Variants in NCOR2 observed in about 807,000 individuals in gnomAD.
The protein encoded by NCOR2 is nuclear receptor corepressor 2.
A neutral mutation model predicts 262.9 loss-of-function variants in NCOR2; 81 were observed. That is an observed-to-expected ratio of 0.31 (90% CI 0.26 to 0.37). The LOEUF is 0.37. NCOR2 is among the 10% of genes least tolerant of loss of function. The pLI, the probability that NCOR2 is intolerant of heterozygous loss-of-function variation, is 1.00. For missense variants in NCOR2, 3,385 were observed against 3,621.4 expected (o/e 0.93, Z 1.68); for synonymous variants, 1,659 against 1,559.3 (o/e 1.06, Z -1.51).
At chr12:124,434,116 G>A (rs2044193713) in intron 8 of NCOR2, among the ~76,000 whole-genome samples, 1 of 152,004 alleles carries the variant, frequency 6.6e-6, no homozygotes, top group African/African-American at 2.4e-5. Context: ...GGGGGGCTGT[G>A]CTGGTGCTGA....
chr12:124,362,226 C>T (rs1303917736), exon 22 of NCOR2: 5 of 1,310,888 alleles, frequency 3.8e-6, no homozygotes, highest in African/African-American at 3.0e-5. Context: ...TTTGCGGTGG[C>T]GGTGGGGCTG....
Position 124,483,833 on chromosome 12 carries a change from GC to G in NCOR2, c.234-61del. On this transcript the variant is annotated intron_variant, in intron 2 of 46. Transcript: ENST00000405201. This position sits in a 1 kb window ranked among gnomAD's most constrained non-coding sequence, Gnocchi z 6.3. Reference sequence around the variant, plus strand: ...GATTGCGGCTCTGAGAACTCCCGAGGCCCCGACCACCCTCTGCGCCGAGCAT... The same window carrying G: ...GATTGCGGCTCTGAGAACTCCCGAGGCCCGACCACCCTCTGCGCCGAGCAT... 1.4e-6 allele frequency: 2 copies of G among 1,470,968 alleles called. No homozygotes were observed. Among genetic ancestry groups the G allele is most frequent in the East Asian group, 5.0e-5 (2 of 40,056 alleles). 91.1% of individuals were successfully genotyped at this position (1,470,968 alleles called of 1,614,324 possible).
At chr12:124,347,726 C>A in intron 30 of NCOR2, 99 bp downstream of exon 32, 1 of 1,244,004 alleles carries the variant, frequency 8.0e-7, no homozygotes, top group South Asian at 1.4e-5. Flanking sequence ...CATACTTGTC[C>A]TGAGTTCCCA....
At chr12:124,326,712 G>A (rs1229379405) in intron 45 of NCOR2, among the ~76,000 whole-genome samples, 1 of 152,142 alleles carries the variant, frequency 6.6e-6, no homozygotes, top group Non-Finnish European at 1.5e-5. Context: ...GTTTGAGCGT[G>A]GCCCCAGGAC....
intron 18 of NCOR2, 141 bp from the exon 21 acceptor site, chr12:124,374,604 C>T (rs1421276884): frequency 3.7e-6 from 3 of 804,608 alleles, no homozygotes; most frequent in Non-Finnish European, 6.2e-6. Flanking sequence ...CCTGCCCCGA[C>T]TGCCCTTCTC....
In NCOR2 at chr12:124,443,792, C is replaced by T. The variant is rs1383370602; in HGVS notation, c.816-5796G>A. Among the ~76,000 whole-genome samples, 4 of 152,182 alleles carry T rather than the reference C, an allele frequency of 2.6e-5. No homozygotes were observed. The highest frequency in any genetic ancestry group is 2.1e-4 in the South Asian group (1 of 4,830). On this transcript the variant is annotated intron_variant, in intron 7 of 46. Coordinates refer to ENST00000405201, the Ensembl canonical transcript of NCOR2. The surrounding 1 kb of genome is among the most constrained non-coding windows in gnomAD (Gnocchi z 4.4). ...CTGGGATTACAGGTGTGAGCCACCGCACCCGGCTGGTGCTTTCTAAAATCC... is the reference window on the plus strand; with the variant it reads ...CTGGGATTACAGGTGTGAGCCACCGTACCCGGCTGGTGCTTTCTAAAATCC...
rs571606442 is a variant in NCOR2 at position 124,375,881 on chromosome 12, G to A, written c.2168-1418C>T. ...CAACAAGACGCTTTCCACTGCCCCCGGGGAGGGGCCTGCAGTGCCGCTGGG... is the reference window on the plus strand; with the variant it reads ...CAACAAGACGCTTTCCACTGCCCCCAGGGAGGGGCCTGCAGTGCCGCTGGG... On this transcript the variant is annotated intron_variant, in intron 18 of 46. Transcript: ENST00000405201. 1.2e-4 allele frequency among the ~76,000 whole-genome samples: 19 copies of A among 152,304 alleles called. No homozygotes were observed. The South Asian group carries it at 1.7e-3, about 13-fold the overall frequency.
chr12:124,527,660 C>T (rs938832582), intron 1 of NCOR2, among the ~76,000 whole-genome samples: 1 of 152,238 alleles, frequency 6.6e-6, no homozygotes, highest in East Asian at 1.9e-4. Context: ...TCAGATGATC[C>T]GCCTGCCTCG....
At chr12:124,383,414 G>T in intron 17 of NCOR2, 1 of 423,290 alleles carries the variant, frequency 2.4e-6, no homozygotes, top group Admixed American at 4.0e-5. Flanking sequence ...GTTCGTCCAC[G>T]CCAGCGGCTT....
intron 6 of NCOR2, among the ~76,000 whole-genome samples, chr12:124,456,535 G>C (rs949549932): frequency 6.6e-6 from 1 of 152,122 alleles, no homozygotes; most frequent in African/African-American, 2.4e-5. Flanking sequence ...CATCATCATA[G>C]CTAATGCCCA....
At chr12:124,433,986 A>T (rs2044186344) in intron 8 of NCOR2, among the ~76,000 whole-genome samples, 1 of 150,834 alleles carries the variant, frequency 6.6e-6, no homozygotes, top group Admixed American at 6.6e-5. Context: ...TAGGAGCGCA[A>T]ATCCACTAGG....
rs562377321 is a variant in NCOR2 at position 124,491,348 on chromosome 12, T to C, written c.105+3799A>G. Among the ~76,000 whole-genome samples, 10 of 152,366 alleles carry C rather than the reference T, an allele frequency of 6.6e-5. 1 individual carries two copies. Among genetic ancestry groups the C allele is most frequent in the African/African-American group, 2.4e-4 (10 of 41,588 alleles). On this transcript the variant is annotated intron_variant, in intron 1 of 46. Transcript: ENST00000405201. ...AAGGACTCTGCACCTACCAACTAAT[T>C]GGATCCTCACAATCTTAAAACTATC...
At position 124,384,888 on chromosome 12, in the gene NCOR2, C is replaced by T. The variant is rs752891360; in HGVS notation, c.2019+857G>A. ...GTGCTTCTGTATCGATGAGGAAACA[C>T]GCAGCCTAGCGATGAAGAGCGTGGG... is the stretch of plus-strand genomic sequence containing the variant. On this transcript the variant is annotated intron_variant, in intron 17 of 46. Coordinates refer to ENST00000405201, the Ensembl canonical transcript of NCOR2. Among the ~76,000 whole-genome samples, 22 of 152,110 alleles carry T rather than the reference C, an allele frequency of 1.4e-4. No individual in the cohort carries two copies. The South Asian group carries it at 1.9e-3, about 13-fold the overall frequency.
intron 40 of NCOR2, chr12:124,334,828 C>T: frequency 1.7e-6 from 1 of 597,842 alleles, no homozygotes; most frequent in Non-Finnish European, 3.0e-6. Flanking sequence ...TGGTAGTTGG[C>T]AGATGGCTGA....
At chr12:124,442,527 G>A (rs76857278) in intron 7 of NCOR2, among the ~76,000 whole-genome samples, 2,180 of 152,292 alleles carry the variant, frequency 0.014, 44 homozygotes, top group African/African-American at 0.049. Context: ...TCTGTGGAGC[G>A]TATTTGCAAC....
chr12:124,399,196 C>A (rs1037282566), intron 15 of NCOR2, among the ~76,000 whole-genome samples: 3 of 152,140 alleles, frequency 2.0e-5, no homozygotes, highest in Non-Finnish European at 2.9e-5. Context: ...CAGCCTCCCC[C>A]ATCTCTGCAG....
intron 16 of NCOR2, chr12:124,388,656 C>A: frequency 1.5e-6 from 2 of 1,304,098 alleles, no homozygotes; most frequent in Non-Finnish European, 1.0e-6. Context: ...CCGCAGTCCC[C>A]CATCCCCTCC....
At chr12:124,427,181 C>T (rs2043599028) in intron 10 of NCOR2, among the ~76,000 whole-genome samples, 5 of 152,278 alleles carry the variant, frequency 3.3e-5, no homozygotes, top group South Asian at 2.1e-4. Context: ...TTCCAGGTTC[C>T]GCAGGCAAGA....
At chr12:124,325,381 C>CCCGCCCCCCCG (rs778700390) in exon 47 of NCOR2, 1 of 380,554 alleles carries the variant, frequency 2.6e-6, no homozygotes, top group African/African-American at 2.7e-5. Context: ...GACACCGCCC[C>CCCGCCCCCCCG]CCCCCCCGCC....
Sources: allele counts gnomAD v4.1 joint callset (sites outside exome capture counted in the v4.1 genomes callset), GRCh38; gene constraint gnomAD v4.1.1; non-coding constraint Gnocchi (gnomAD v3.1); transcripts MANE v1.5; gene names NCBI Gene and HGNC (gene_info 2026-07-23, HGNC 2026-07-21).